Variants in CDH17 observed in about 807,000 individuals in gnomAD.
CDH17 encodes cadherin-17.
Under a neutral mutation model 86.3 loss-of-function variants are expected in CDH17, and 67 were observed. The observed-to-expected ratio is 0.78, with a 90% CI of 0.64 to 0.95. The LOEUF is 0.95. Among genes scored for constraint, CDH17 ranks in the 40% least tolerant of loss-of-function variants. The pLI is 0.00. For missense variants in CDH17, 993 were observed against 1,017.6 expected (o/e 0.98, Z 0.33); for synonymous variants, 367 against 366.4 (o/e 1.00, Z -0.02).
At chr8:94,206,516 C>T (rs534430181) in intron 1 of CDH17, among the ~76,000 whole-genome samples, 2 of 152,302 alleles carry the variant, frequency 1.3e-5, no homozygotes, top group South Asian at 4.1e-4. Context: ...GCCCAGCTTT[C>T]CTCCTCAGAG....
intron 15 of CDH17, among the ~76,000 whole-genome samples, chr8:94,136,293 A>G (rs1375468318): frequency 6.6e-6 from 1 of 152,198 alleles, no homozygotes; most frequent in African/African-American, 2.4e-5. Flanking sequence ...AGGTACACCA[A>G]TTAGACATAG....
chr8:94,166,418 C>A (rs1327819047), intron 9 of CDH17, among the ~76,000 whole-genome samples: 1 of 152,222 alleles, frequency 6.6e-6, no homozygotes, highest in Admixed American at 6.5e-5. Flanking sequence ...ATTTTACTTT[C>A]ATTACCTCTT....
chr8:94,175,753 A>G lies in CDH17; in HGVS notation c.424+788T>C, dbSNP rs541108736. Among the ~76,000 whole-genome samples, 72 of 152,266 alleles carry G rather than the reference A, an allele frequency of 4.7e-4. 2 individuals are homozygous for G. In the South Asian group the frequency reaches 0.014, roughly 30 times the overall value. On this transcript the variant is annotated intron_variant, in intron 5 of 17. Coordinates refer to ENST00000027335, the MANE Select transcript of CDH17 (RefSeq NM_004063.4). ...AGGGCTGAGCCACAGATGGGATGTA[A>G]GAGAAGAAAAGAGCTGGAAACCACC... is the stretch of plus-strand genomic sequence containing the variant.
At chr8:94,208,300 A>T (rs1010955447) in intron 1 of CDH17, among the ~76,000 whole-genome samples, 183 bp downstream of exon 1, 33 of 152,196 alleles carry the variant, frequency 2.2e-4, no homozygotes, top group Non-Finnish European at 4.1e-4. Context: ...AACTACAAAA[A>T]AAAATTGTGC....
At chr8:94,187,515 G>A (rs1302877454) in intron 3 of CDH17, among the ~76,000 whole-genome samples, 1 of 152,224 alleles carries the variant, frequency 6.6e-6, no homozygotes, top group African/African-American at 2.4e-5. Flanking sequence ...AACTCTGTGT[G>A]AGCCCCTGCC....
At chr8:94,195,025 G>A (rs568496489) in intron 1 of CDH17, among the ~76,000 whole-genome samples, 1 of 152,238 alleles carries the variant, frequency 6.6e-6, no homozygotes, top group Non-Finnish European at 1.5e-5. Flanking sequence ...TTTTGGAAAC[G>A]CAGTCTCACT....
chr8:94,190,355 G>A (rs117837757), intron 2 of CDH17, among the ~76,000 whole-genome samples: 1,948 of 152,308 alleles, frequency 0.013, 21 homozygotes, highest in Middle Eastern at 0.054. Flanking sequence ...GCATGAGAGT[G>A]TGACTCCCAC....
chr8:94,158,023 C>T (rs551258567), intron 12 of CDH17, among the ~76,000 whole-genome samples: 2 of 152,296 alleles, frequency 1.3e-5, no homozygotes, highest in African/African-American at 4.8e-5. Context: ...TGCCAGTTAT[C>T]ACCTGCCTCT....
chr8:94,185,261 C>T (rs1230822057), intron 3 of CDH17, among the ~76,000 whole-genome samples: 1 of 146,266 alleles, frequency 6.8e-6, no homozygotes, highest in East Asian at 1.9e-4. Context: ...ATCCCAACCC[C>T]ACACCCTACC....
chr8:94,209,066 C>T (rs554350188), upstream of CDH17, among the ~76,000 whole-genome samples: 12 of 152,254 alleles, frequency 7.9e-5, no homozygotes, highest in South Asian at 8.3e-4. Context: ...TATGGCTGTG[C>T]CTGCTTTTGA....
intron 17 of CDH17, among the ~76,000 whole-genome samples, chr8:94,129,492 C>T (rs199569273): frequency 1.2e-5 from 1 of 86,872 alleles, no homozygotes; most frequent in African/African-American, 3.2e-5. Flanking sequence ...TCCAGTGTGA[C>T]ACACTGGATC....
At chr8:94,170,202 C>T (rs902123468) in intron 9 of CDH17, among the ~76,000 whole-genome samples, 195 bp downstream of exon 9, 1 of 151,976 alleles carries the variant, frequency 6.6e-6, no homozygotes, top group African/African-American at 2.4e-5. Context: ...TATAAAAGCC[C>T]CAATTTAAGA....
intron 17 of CDH17, 53 bp downstream of exon 17, chr8:94,130,573 T>C: frequency 8.0e-7 from 1 of 1,245,184 alleles, no homozygotes; most frequent in East Asian, 2.5e-5. Context: ...TGAGATGAGC[T>C]CACATTTCTG....
At chr8:94,171,672 T>C (rs1813271306) in intron 7 of CDH17, among the ~76,000 whole-genome samples, 1 of 152,214 alleles carries the variant, frequency 6.6e-6, no homozygotes, top group Non-Finnish European at 1.5e-5. Flanking sequence ...CATATTTATG[T>C]GTTATATCTC....
intron 12 of CDH17, among the ~76,000 whole-genome samples, chr8:94,153,737 A>G (rs1460386354): frequency 1.3e-5 from 2 of 152,246 alleles, no homozygotes; most frequent in Non-Finnish European, 2.9e-5. Flanking sequence ...AGGAAGTTCC[A>G]TCATTTGTGA....
At chr8:94,156,426 TC>T (rs1812949905) in intron 12 of CDH17, among the ~76,000 whole-genome samples, 1 of 152,094 alleles carries the variant, frequency 6.6e-6, no homozygotes, top group Admixed American at 6.5e-5. Context: ...AGAAACAGGA[TC>T]TCAGGAGAGT....
intron 11 of CDH17, among the ~76,000 whole-genome samples, chr8:94,161,718 G>A (rs1306180920): frequency 3.9e-5 from 6 of 152,068 alleles, no homozygotes; most frequent in Non-Finnish European, 5.9e-5. Context: ...GGCTAAAAAT[G>A]CTTGAGACCT....
At chr8:94,163,878 G>A (rs1201305908) in intron 10 of CDH17, among the ~76,000 whole-genome samples, 1 of 152,168 alleles carries the variant, frequency 6.6e-6, no homozygotes, top group Non-Finnish European at 1.5e-5. Flanking sequence ...CTGGCTCACT[G>A]CTCTGCACAC....
intron 1 of CDH17, among the ~76,000 whole-genome samples, chr8:94,201,471 C>T (rs375272254): frequency 1.3e-5 from 2 of 152,146 alleles, no homozygotes; most frequent in African/African-American, 4.8e-5. Flanking sequence ...GATTTGGAGA[C>T]AGGCTCATCC....
Sources: gnomAD v4.1 joint callset for allele counts (sites outside exome capture counted in the v4.1 genomes callset) on GRCh38, gnomAD v4.1.1 for gene constraint, MANE v1.5 for transcripts, NCBI Gene and HGNC (gene_info 2026-07-23, HGNC 2026-07-21) for gene names.